The following FMO3 variants were observed in gnomAD, a reference collection of about 807,000 sequenced individuals.
The protein encoded by FMO3 is flavin-containing monooxygenase 3.
A neutral mutation model predicts 39.4 loss-of-function variants in FMO3; 40 were observed. The observed-to-expected ratio is 1.02, with a 90% CI of 0.79 to 1.32. The LOEUF (loss-of-function observed/expected upper bound fraction) is 1.32, where lower values mean the gene tolerates loss of function less well. Among genes scored for constraint, FMO3 ranks in the 40% most tolerant of loss-of-function variants. The pLI, the probability that FMO3 is intolerant of heterozygous loss-of-function variation, is 0.00. For synonymous variants in FMO3, 219 were observed against 228.8 expected (o/e 0.96, Z 0.39); for missense variants, 680 against 651.8 (o/e 1.04, Z -0.47).
intron 2 of FMO3, among the ~76,000 whole-genome samples, chr1:171,102,707 G>C (rs28363533): frequency 0.058 from 8,761 of 152,240 alleles, 558 homozygotes; most frequent in East Asian, 0.21. Context: ...GTTTATTTCA[G>C]TGTGTGGCTA....
chr1:171,113,605 A>G (rs997544564), intron 6 of FMO3, among the ~76,000 whole-genome samples: 1 of 152,230 alleles, frequency 6.6e-6, no homozygotes, highest in Non-Finnish European at 1.5e-5. Flanking sequence ...CAGATGAGAA[A>G]TATGAGACAC....
intron 3 of FMO3, 46 bp downstream of exon 3, chr1:171,104,019 G>T: frequency 7.3e-7 from 1 of 1,360,600 alleles, no homozygotes; most frequent in Non-Finnish European, 1.0e-6. Flanking sequence ...TGCTGAAGAA[G>T]TCTATGTCTA....
Position 171,103,856 on chromosome 1 carries a change from T to C in FMO3, c.204T>C (p.Cys68=), listed in dbSNP as rs780706293. ...CCAACTCTTCCAAAGAGATGATGTG[T>C]TTCCCAGACTTCCCATTTCCCGATG... ...VFSNSSKEMM[C]FPDFPFPDDF... Residue 68 remains cysteine (C), a synonymous_variant, in exon 3 of 9, where the codon TGT becomes TGC. Transcript: ENST00000367755. The C allele has an allele frequency of 6.2e-7, 1 of 1,613,870 alleles. No individual in the cohort carries two copies. Among genetic ancestry groups the C allele is most frequent in the South Asian group, 1.1e-5 (1 of 91,078 alleles).
chr1:171,093,071 G>C (rs1654790713), intron 2 of FMO3, among the ~76,000 whole-genome samples: 1 of 151,662 alleles, frequency 6.6e-6, no homozygotes, highest in African/African-American at 2.4e-5. Context: ...ATATTAGTTA[G>C]GTTTATGTAG....
chr1:171,106,630 A>G, intron 3 of FMO3, among the ~76,000 whole-genome samples: 1 of 152,302 alleles, frequency 6.6e-6, no homozygotes, highest in Non-Finnish European at 1.5e-5. Flanking sequence ...GCAGTAAGTA[A>G]AGAAAAATAA....
chr1:171,096,023 TTA>T (rs1329266774), intron 2 of FMO3, among the ~76,000 whole-genome samples: 738 of 67,122 alleles, frequency 0.011, 43 homozygotes, highest in African/African-American at 0.047. Flanking sequence ...ATATTATATA[TTA>T]ATATATAATA....
chr1:171,103,668 G>A, intron 2 of FMO3, 117 bp from the exon 3 acceptor site: 4 of 843,858 alleles, frequency 4.7e-6, no homozygotes, highest in South Asian at 2.7e-5. Context: ...TAACCACGGA[G>A]GTCCTGGAAC....
At chr1:171,113,983 T>C (rs1312155672) in intron 6 of FMO3, 24 bp from the exon 7 acceptor site, 17 of 1,442,186 alleles carry the variant, frequency 1.2e-5, no homozygotes, top group Non-Finnish European at 1.3e-5. Flanking sequence ...ACACTTCCAA[T>C]AATTGTCTCT....
Position 171,108,216 on chromosome 1 carries a change from G to C in FMO3, c.622G>C (p.Glu208Gln). Residue 208 changes from glutamate (E) to glutamine (Q), a missense_variant, in exon 5 of 9, where the codon GAA (glutamate) becomes CAA (glutamine). Physicochemically the swap from Glu to Gln is conservative, Grantham distance 29. Transcript: ENST00000367755. ...TGCCACAGAACTCAGCCGCACAGCA[G>C]AACAGGTACTACTCCCCGGGTACTC... is the stretch of plus-strand genomic sequence containing the variant. ...DIATELSRTA[E>Q]QVMISSRSGS... The C allele has an allele frequency of 6.2e-7, 1 of 1,613,806 alleles. No homozygotes were observed. The highest frequency in any genetic ancestry group is 8.5e-7 in the Non-Finnish European group (1 of 1,179,834).
chr1:171,115,754 C>T (rs1656118903), intron 7 of FMO3, among the ~76,000 whole-genome samples: 1 of 152,130 alleles, frequency 6.6e-6, no homozygotes, highest in Non-Finnish European at 1.5e-5. Flanking sequence ...AGTCCATATC[C>T]TCAGTCATAT....
Position 171,117,620 on chromosome 1 carries a change from A to T in FMO3, c.*178A>T, listed in dbSNP as rs1420579508. On this transcript the variant is annotated 3_prime_UTR_variant, in exon 9 of 9. Transcript: ENST00000367755. Reference sequence around the variant, plus strand: ...TAGGCTCTGAAATAGCCACTTTAAGAATCATGTCATGATCTTAAGAGAGCA... The same window carrying T: ...TAGGCTCTGAAATAGCCACTTTAAGTATCATGTCATGATCTTAAGAGAGCA... 1.7e-6 allele frequency: 1 copy of T among 575,918 alleles called. No homozygotes were observed. The highest frequency in any genetic ancestry group is 3.1e-6 in the Non-Finnish European group (1 of 327,416). 35.7% of individuals were successfully genotyped at this position (575,918 alleles called of 1,614,324 possible). A position where few individuals can be genotyped will look rare whatever the true frequency, so the allele number is the denominator to read the frequency against.
At position 171,114,222 on chromosome 1, in the gene FMO3, A is replaced by T; in HGVS notation, c.1043A>T (p.Asn348Ile). Residue 348 changes from asparagine (N) to isoleucine (I), a missense_variant, in exon 7 of 9, where the codon AAT (asparagine) becomes ATT (isoleucine). Physicochemically the swap from Asn to Ile is moderately radical, Grantham distance 149 (BLOSUM62 -3). Coordinates refer to ENST00000367755, the MANE Select transcript of FMO3 (RefSeq NM_001002294.3). ...LDESIIKSRN[N>I]EIILFKGVFP... ...GAGTCTATCATCAAAAGCAGAAACA[A>T]TGAGATCATTTTATTTAAAGGAGTA... 1.2e-6 allele frequency: 2 copies of T among 1,614,020 alleles called. No individual in the cohort carries two copies. Among genetic ancestry groups the T allele is most frequent in the Non-Finnish European group, 1.7e-6 (2 of 1,179,932 alleles).
chr1:171,096,035 ATAT>A (rs1654987552), intron 2 of FMO3, among the ~76,000 whole-genome samples: 2 of 65,130 alleles, frequency 3.1e-5, no homozygotes, highest in African/African-American at 1.7e-4. Flanking sequence ...AATATATAAT[ATAT>A]ATTATATATA....
chr1:171,096,066 ATATAT>A lies in FMO3; in HGVS notation c.132+3279_132+3283del, dbSNP rs1206817207. On this transcript the variant is annotated intron_variant, in intron 2 of 8. Transcript: ENST00000367755. ...TATATATAAATATATAATATATATT[ATATAT>A]TAATATATAATATATATTAATATTT... Among the ~76,000 whole-genome samples the A allele has an allele frequency of 1.1e-4, 7 of 63,768 alleles. 1 individual carries two copies. The highest frequency in any genetic ancestry group is 2.9e-4 in the Admixed American group (1 of 3,462). 41.8% of individuals were successfully genotyped at this position (63,768 alleles called of 152,430 possible).
chr1:171,098,651 AT>A (rs570895930), intron 2 of FMO3, among the ~76,000 whole-genome samples: 1 of 152,116 alleles, frequency 6.6e-6, no homozygotes, highest in African/African-American at 2.4e-5. Context: ...CTATCCTGAG[AT>A]TTTGCTGAAG....
At chr1:171,091,320 C>A (rs899210022) in intron 1 of FMO3, among the ~76,000 whole-genome samples, 1 of 151,686 alleles carries the variant, frequency 6.6e-6, no homozygotes, top group Non-Finnish European at 1.5e-5. Context: ...AGTTTTATAC[C>A]AAATATGGCT....
chr1:171,116,336 A>G, intron 8 of FMO3, 56 bp downstream of exon 8: 7 of 932,368 alleles, frequency 7.5e-6, no homozygotes, highest in Non-Finnish European at 1.2e-5. Flanking sequence ...GTGAGAATTT[A>G]TGAATGCTTG....
intron 6 of FMO3, among the ~76,000 whole-genome samples, chr1:171,111,976 G>T (rs866323919): frequency 9.8e-4 from 149 of 152,262 alleles, no homozygotes; most frequent in African/African-American, 3.4e-3. Flanking sequence ...TTCCAATAGA[G>T]TCCTCAGAGT....
chr1:171,110,980 C>T lies in FMO3; in HGVS notation c.810C>T (p.Gly270=). The change falls in exon 6 of 9, where the codon GGC becomes GGT. Residue 270 remains glycine (G), a synonymous_variant. Transcript: ENST00000367755. The part of the protein sequence containing the change: ...MNARFKHENY[G]LMPLNGVLRK... Reference sequence around the variant, plus strand: ...CAAGATTCAAGCATGAAAACTATGGCTTGATGCCTTTAAATGGGTAATGCA... The same window carrying T: ...CAAGATTCAAGCATGAAAACTATGGTTTGATGCCTTTAAATGGGTAATGCA... The T allele has an allele frequency of 6.2e-7, 1 of 1,613,604 alleles. No individual in the cohort carries two copies. Among genetic ancestry groups the T allele is most frequent in the Non-Finnish European group, 8.5e-7 (1 of 1,179,706 alleles).
Sources: gnomAD v4.1 joint callset for allele counts (sites outside exome capture counted in the v4.1 genomes callset) on GRCh38, gnomAD v4.1.1 for gene constraint, MANE v1.5 for transcripts, NCBI Gene and HGNC (gene_info 2026-07-23, HGNC 2026-07-21) for gene names.